The following NECAB1 variants were observed in gnomAD, a reference collection of about 807,000 sequenced individuals.
The protein encoded by NECAB1 is N-terminal EF-hand calcium-binding protein 1.
NECAB1 carries 29 observed loss-of-function variants against 57.5 expected under a neutral mutation model. The observed-to-expected ratio is 0.50, with a 90% CI of 0.38 to 0.69. The LOEUF is 0.69. Among genes scored for constraint, NECAB1 ranks in the 30% least tolerant of loss-of-function variants. NECAB1 has a pLI of 0.00. For synonymous variants in NECAB1, 142 were observed against 147.7 expected (o/e 0.96, Z 0.28); for missense variants, 372 against 413.8 (o/e 0.90, Z 0.88).
chr8:90,863,046 C>G (rs777466556), intron 3 of NECAB1, among the ~76,000 whole-genome samples: 1 of 152,054 alleles, frequency 6.6e-6, no homozygotes, highest in South Asian at 2.1e-4. Flanking sequence ...TCGATTGTCC[C>G]CCTTTGTCCA....
chr8:90,945,859 T>G (rs1810795105), intron 10 of NECAB1, among the ~76,000 whole-genome samples: 1 of 152,156 alleles, frequency 6.6e-6, no homozygotes, highest in African/African-American at 2.4e-5. Context: ...AACTCTTGCT[T>G]TAGCCAATGA....
At chr8:90,808,170 C>G (rs185829472) in intron 2 of NECAB1, among the ~76,000 whole-genome samples, 1 of 152,238 alleles carries the variant, frequency 6.6e-6, no homozygotes, top group Non-Finnish European at 1.5e-5. Context: ...TTCCTGAGCC[C>G]TCAAAATGGC....
At chr8:90,928,647 T>A (rs1284780905) in intron 8 of NECAB1, among the ~76,000 whole-genome samples, 1 of 152,228 alleles carries the variant, frequency 6.6e-6, no homozygotes, top group African/African-American at 2.4e-5. Context: ...GATAATATGT[T>A]GAAGGGATAA....
chr8:90,915,555 T>C (rs1007723305), intron 5 of NECAB1, among the ~76,000 whole-genome samples: 7 of 152,190 alleles, frequency 4.6e-5, no homozygotes, highest in Non-Finnish European at 8.8e-5. Flanking sequence ...AGGACTATTA[T>C]ATATGGTAGA....
rs117146817 is a variant in NECAB1, at chr8:90,873,657, G to A, written c.259+1504G>A. ...TTTGTTTTTCACTTAACTTTGCCTG[G>A]GTAGGCCACAGCTGATGACAAAGCA... On this transcript the variant is annotated intron_variant, in intron 4 of 12. Transcript: ENST00000417640. Among the ~76,000 whole-genome samples, 1,002 of 152,124 alleles carry A rather than the reference G, an allele frequency of 6.6e-3. 8 individuals are homozygous for A. The highest frequency in any genetic ancestry group is 0.019 in the East Asian group (99 of 5,180).
chr8:90,921,355 A>G (rs1347192135), intron 6 of NECAB1, among the ~76,000 whole-genome samples: 1 of 151,972 alleles, frequency 6.6e-6, no homozygotes, highest in Non-Finnish European at 1.5e-5. Context: ...AGATTTTGTG[A>G]TGCCCTTCAC....
intron 5 of NECAB1, among the ~76,000 whole-genome samples, chr8:90,910,005 T>C (rs1193222112): frequency 1.3e-5 from 2 of 151,990 alleles, no homozygotes; most frequent in South Asian, 2.1e-4. Context: ...TTCTTTGTTA[T>C]TTTTGATTTT....
intron 2 of NECAB1, among the ~76,000 whole-genome samples, chr8:90,819,860 A>G (rs1381142046): frequency 1.3e-5 from 2 of 151,538 alleles, no homozygotes; most frequent in Middle Eastern, 3.4e-3. Context: ...ATCTTTTTTT[A>G]GGGAGAACAT....
chr8:90,822,084 G>C (rs1250742214), intron 2 of NECAB1, among the ~76,000 whole-genome samples: 1 of 151,790 alleles, frequency 6.6e-6, no homozygotes, highest in Non-Finnish European at 1.5e-5. Context: ...TGAAAAACCT[G>C]TACCCTTTGG....
At chr8:90,907,697 T>C (rs1809724491) in intron 5 of NECAB1, among the ~76,000 whole-genome samples, 1 of 152,186 alleles carries the variant, frequency 6.6e-6, no homozygotes, top group African/African-American at 2.4e-5. Flanking sequence ...GTGCATCTTA[T>C]AATTAATGGC....
chr8:90,891,142 T>C (rs957034705), intron 5 of NECAB1, among the ~76,000 whole-genome samples: 4 of 152,222 alleles, frequency 2.6e-5, no homozygotes, highest in African/African-American at 7.2e-5. Flanking sequence ...ATTTGGGGAA[T>C]ACAGAGTGTT....
At chr8:90,912,820 A>T (rs1809860567) in intron 5 of NECAB1, among the ~76,000 whole-genome samples, 1 of 152,230 alleles carries the variant, frequency 6.6e-6, no homozygotes, top group Non-Finnish European at 1.5e-5. Context: ...TTAGTATTTT[A>T]AAAAGTAATA....
At chr8:90,883,865 A>G (rs944993832) in intron 5 of NECAB1, among the ~76,000 whole-genome samples, 3 of 152,164 alleles carry the variant, frequency 2.0e-5, no homozygotes, top group African/African-American at 4.8e-5. Context: ...TTCTTTCTAC[A>G]GGGTAGAGGT....
chr8:90,838,791 T>C (rs1483562651), intron 3 of NECAB1, among the ~76,000 whole-genome samples: 1 of 152,192 alleles, frequency 6.6e-6, no homozygotes, highest in East Asian at 1.9e-4. Flanking sequence ...CTATAATCTA[T>C]ATTTCCAAAC....
intron 3 of NECAB1, among the ~76,000 whole-genome samples, chr8:90,852,480 C>T (rs892659918): frequency 6.6e-6 from 1 of 152,150 alleles, no homozygotes; most frequent in Non-Finnish European, 1.5e-5. Flanking sequence ...TGACAAAACC[C>T]CACCCTCAAG....
chr8:90,852,640 G>A (rs540893832), intron 3 of NECAB1, among the ~76,000 whole-genome samples: 23 of 152,182 alleles, frequency 1.5e-4, no homozygotes, highest in East Asian at 5.8e-4. Flanking sequence ...GAGGAGAAGC[G>A]GTGGGATGTT....
chr8:90,840,950 C>CAAA (rs34615882), intron 3 of NECAB1, among the ~76,000 whole-genome samples: 1,238 of 121,628 alleles, frequency 0.01, 27 homozygotes, highest in African/African-American at 0.034. Flanking sequence ...TAAATCTATT[C>CAAA]AAAAAAAAAA....
chr8:90,914,630 G>C (rs1809908227), intron 5 of NECAB1, among the ~76,000 whole-genome samples: 1 of 152,072 alleles, frequency 6.6e-6, no homozygotes. Context: ...TACCTACAGA[G>C]TCACTAGTAA....
At chr8:90,886,041 AG>A (rs1808977469) in intron 5 of NECAB1, among the ~76,000 whole-genome samples, 1 of 152,220 alleles carries the variant, frequency 6.6e-6, no homozygotes, top group African/African-American at 2.4e-5. Context: ...GCATAAGCAA[AG>A]TTCTAGGCAA....
Sources: gnomAD v4.1 joint callset for allele counts (sites outside exome capture counted in the v4.1 genomes callset) on GRCh38, gnomAD v4.1.1 for gene constraint, MANE v1.5 for transcripts, NCBI Gene and HGNC (gene_info 2026-07-23, HGNC 2026-07-21) for gene names.